Variants in FAM53C observed in about 807,000 individuals in gnomAD.
FAM53C encodes family with sequence similarity 53 member C.
FAM53C carries 10 observed loss-of-function variants against 34.7 expected under a neutral mutation model. The observed-to-expected ratio is 0.29, with a 90% CI of 0.18 to 0.49. The LOEUF (loss-of-function observed/expected upper bound fraction) is 0.49. Among genes scored for constraint, FAM53C ranks in the 20% least tolerant of loss-of-function variants. FAM53C has a pLI of 0.99. For missense variants in FAM53C, 442 were observed against 515.3 expected (o/e 0.86, Z 1.38); for synonymous variants, 203 against 203.6 (o/e 1.00, Z 0.03).
intron 4 of FAM53C, among the ~76,000 whole-genome samples, chr5:138,346,047 A>G (rs1761165888): frequency 6.6e-6 from 1 of 152,244 alleles, no homozygotes; most frequent in South Asian, 2.1e-4. Flanking sequence ...CAGTGTATTC[A>G]TCTGTTAGAC....
chr5:138,339,163 A>G (rs1760939384), intron 1 of FAM53C, among the ~76,000 whole-genome samples: 1 of 152,190 alleles, frequency 6.6e-6, no homozygotes, highest in Non-Finnish European at 1.5e-5. Flanking sequence ...TTTAGTGAAT[A>G]TTCAGGGCTG....
Position 138,348,973 on chromosome 5 carries a change from A to G in FAM53C, c.*2014A>G, listed in dbSNP as rs2189803. On this transcript the variant is annotated 3_prime_UTR_variant, in exon 5 of 5. Coordinates refer to ENST00000239906, the MANE Select transcript of FAM53C (RefSeq NM_016605.3). ...ATGCCAGTGAGTTTCTGTAGGCCCT[A>G]AGCTGAAGAAGTGAGGCAGTGATTC... 5,466 of 152,372 alleles carry G rather than the reference A, an allele frequency of 0.036. 130 individuals are homozygous for G. The highest frequency in any genetic ancestry group is 0.052 in the African/African-American group (2,154 of 41,582). 9.4% of individuals were successfully genotyped at this position (152,372 alleles called of 1,614,324 possible). A position where few individuals can be genotyped will look rare whatever the true frequency, so the allele number is the denominator to read the frequency against.
Position 138,341,860 on chromosome 5 carries a change from G to C in FAM53C, c.130G>C (p.Val44Leu), listed in dbSNP as rs1761043219. The change falls in exon 3 of 5, where the codon GTG (valine) becomes CTG (leucine). Residue 44 changes from valine (V) to leucine (L), a missense_variant. Coordinates refer to ENST00000239906, the MANE Select transcript of FAM53C (RefSeq NM_016605.3). ...ISNCGNSFQL[V>L]SEGASWRGLP... ...CAACTGTGGGAACTCTTTCCAGCTT[G>C]TGTCTGGTAAGGCATCGTGTGTGTT... 4 of 1,614,094 alleles carry C rather than the reference G, an allele frequency of 2.5e-6. No individual in the cohort carries two copies. The highest frequency in any genetic ancestry group is 3.4e-6 in the Non-Finnish European group (4 of 1,179,940).
At position 138,341,304 on chromosome 5, in the gene FAM53C, C is replaced by T; in HGVS notation, c.-32C>T. The T allele has an allele frequency of 6.3e-7, 1 of 1,590,036 alleles. No individual in the cohort carries two copies. The highest frequency in any genetic ancestry group is 2.2e-5 in the East Asian group (1 of 44,758). On this transcript the variant is annotated 5_prime_UTR_variant, in exon 2 of 5. It introduces an in-frame stop codon into an upstream open reading frame of the 5' UTR. Transcript: ENST00000239906. ...CAGGGAAGACATCCATCATTTGCTC[C>T]AAAGTGTGCAAGTCAAATCCTGGGG...
chr5:138,341,796 C>T lies in FAM53C; in HGVS notation c.79-13C>T. 6.2e-7 allele frequency: 1 copy of T among 1,613,636 alleles called. No individual in the cohort carries two copies. On this transcript the variant is annotated splice_polypyrimidine_tract_variant and intron_variant, in intron 2 of 4. Transcript: ENST00000239906. The stretch of plus-strand genomic sequence containing the variant: ...CTGAATCCAAATCATGATGGATATT[C>T]TCTCTTTCTTAGCCTTTGCCTGATC...
chr5:138,340,094 T>C (rs990536520), intron 1 of FAM53C, among the ~76,000 whole-genome samples: 1 of 152,214 alleles, frequency 6.6e-6, no homozygotes, highest in African/African-American at 2.4e-5. Flanking sequence ...GAACGAGAAA[T>C]GGTAGTCTGT....
intron 3 of FAM53C, among the ~76,000 whole-genome samples, chr5:138,344,356 A>G (rs186919395): frequency 2.4e-4 from 37 of 152,320 alleles, no homozygotes; most frequent in African/African-American, 9.6e-5. Context: ...CTGTTGACAC[A>G]TGAGAGGAGG....
chr5:138,340,035 T>C (rs749219169), intron 1 of FAM53C, among the ~76,000 whole-genome samples: 1 of 152,188 alleles, frequency 6.6e-6, no homozygotes, highest in African/African-American at 2.4e-5. Context: ...CTTCATCTTA[T>C]TGATTTCATT....
Position 138,345,258 on chromosome 5 carries a change from C to T in FAM53C, c.570C>T (p.Ser190=). 2 of 1,614,236 alleles carry T rather than the reference C, an allele frequency of 1.2e-6. No homozygotes were observed. Among genetic ancestry groups the T allele is most frequent in the Non-Finnish European group, 1.7e-6 (2 of 1,180,052 alleles). ...SQCAPAHRPY[S]PPFFSLALAQ... ...GTGCCCCAGCTCACAGACCCTACAG[C>T]CCTCCTTTCTTCAGCCTGGCCCTGG... Residue 190 remains serine, a synonymous_variant, in exon 4 of 5, where the codon AGC becomes AGT. Transcript: ENST00000239906. This position sits in a 1 kb window ranked among gnomAD's most constrained non-coding sequence, Gnocchi z 6.3.
chr5:138,342,018 T>C lies in FAM53C; in HGVS notation c.136+152T>C, dbSNP rs1761047158. ...CTGAGATTGACAGTTGTCTTTCATGTTCTAGCATGAAAGTTATCTGGTTGG... is the reference window on the plus strand; with the variant it reads ...CTGAGATTGACAGTTGTCTTTCATGCTCTAGCATGAAAGTTATCTGGTTGG... On this transcript the variant is annotated intron_variant, in intron 3 of 4. Coordinates refer to ENST00000239906, the MANE Select transcript of FAM53C (RefSeq NM_016605.3). The C allele has an allele frequency of 1.5e-5, 10 of 675,698 alleles. No homozygotes were observed. In the East Asian group the frequency reaches 2.6e-4, roughly 17 times the overall value. The allele number at this position is 675,698 out of a possible 1,614,324, so 41.9% of individuals were successfully genotyped here. A position where few individuals can be genotyped will look rare whatever the true frequency, so the allele number is the denominator to read the frequency against.
chr5:138,342,172 C>G, intron 3 of FAM53C: 3 of 348,860 alleles, frequency 8.6e-6, no homozygotes, highest in African/African-American at 2.1e-5. Flanking sequence ...CTCTTACTCT[C>G]CCGTTCCCTA....
chr5:138,345,357 A>G lies in FAM53C; in HGVS notation c.669A>G (p.Ser223=), dbSNP rs1209139805. The part of the protein sequence containing the change: ...GSWESDAESL[S]PCPPQRRFSL... ...GGGAGAGTGATGCTGAGTCCTTGTC[A>G]CCTTGCCCACCTCAGCGCCGCTTCT... Residue 223 remains serine, a synonymous_variant, in exon 4 of 5, where the codon TCA becomes TCG. Transcript: ENST00000239906. The surrounding 1 kb of genome is among the most constrained non-coding windows in gnomAD (Gnocchi z 6.3). The G allele has an allele frequency of 6.2e-7, 1 of 1,613,454 alleles. No homozygotes were observed. The highest frequency in any genetic ancestry group is 1.3e-5 in the African/African-American group (1 of 74,702).
chr5:138,342,143 G>T, intron 3 of FAM53C: 1 of 416,826 alleles, frequency 2.4e-6, no homozygotes, highest in Non-Finnish European at 4.3e-6. Flanking sequence ...CAACAAAAAG[G>T]TTATGCTGAG....
chr5:138,338,300 G>A lies in FAM53C; in HGVS notation c.-160G>A, dbSNP rs746064598. ...CCGGCCGCGGCCCTGGGAGCTGGAG[G>A]AACCGCGGTAGGTGGTGGAGGGCAG... is the stretch of plus-strand genomic sequence containing the variant. On this transcript the variant is annotated 5_prime_UTR_variant, in exon 1 of 5. Transcript: ENST00000239906. The A allele has an allele frequency of 6.3e-6, 4 of 639,096 alleles. No homozygotes were observed. Among genetic ancestry groups the A allele is most frequent in the South Asian group, 4.4e-5 (3 of 67,804 alleles). The allele number at this position is 639,096 out of a possible 1,614,324, so 39.6% of individuals were successfully genotyped here.
intron 1 of FAM53C, 60 bp from the exon 2 acceptor site, chr5:138,341,124 T>A: frequency 1.5e-6 from 1 of 666,202 alleles, no homozygotes; most frequent in Non-Finnish European, 2.8e-6. Flanking sequence ...CCATGCATTT[T>A]CCATCTCTGG....
chr5:138,342,685 C>G (rs1292210850), intron 3 of FAM53C: 1 of 151,454 alleles, frequency 6.6e-6, no homozygotes, highest in Admixed American at 6.6e-5. Flanking sequence ...CAAGATTGCG[C>G]CATTGCACTC....
At chr5:138,337,804 G>T, upstream of FAM53C, 1 of 437,764 alleles carries the variant, frequency 2.3e-6, no homozygotes, top group Non-Finnish European at 4.0e-6. Context: ...GCTGGGGGAA[G>T]GGGGATTCCT....
chr5:138,341,323 C>G lies in FAM53C; in HGVS notation c.-13C>G. On this transcript the variant is annotated 5_prime_UTR_variant, in exon 2 of 5. It adds an upstream start codon to the 5' untranslated region. Transcript: ENST00000239906. Reference sequence around the variant, plus strand: ...TTGCTCCAAAGTGTGCAAGTCAAATCCTGGGGAGAATCATGATAACCCTGA... The same window carrying G: ...TTGCTCCAAAGTGTGCAAGTCAAATGCTGGGGAGAATCATGATAACCCTGA... 1 of 1,612,602 alleles carries G rather than the reference C, an allele frequency of 6.2e-7. No homozygotes were observed. Among genetic ancestry groups the G allele is most frequent in the Non-Finnish European group, 8.5e-7 (1 of 1,178,652 alleles).
intron 1 of FAM53C, 50 bp downstream of exon 1, chr5:138,338,357 A>G (rs1435135592): frequency 4.7e-6 from 2 of 423,478 alleles, no homozygotes; most frequent in South Asian, 1.6e-5. Context: ...GGGCACCTCA[A>G]CCGTCCCTCC....
Sources: allele counts gnomAD v4.1 joint callset (sites outside exome capture counted in the v4.1 genomes callset), GRCh38; gene constraint gnomAD v4.1.1; non-coding constraint Gnocchi (gnomAD v3.1); transcripts MANE v1.5; gene names NCBI Gene and HGNC (gene_info 2026-07-23, HGNC 2026-07-21).